TEK: variants seen among roughly 807,000 people sequenced by gnomAD.
The protein encoded by TEK is TEK receptor tyrosine kinase, also known as angiopoietin-1 receptor.
A neutral mutation model predicts 131.8 loss-of-function variants in TEK; 43 were observed. That is an observed-to-expected ratio of 0.33 (90% confidence interval 0.26 to 0.42). TEK has a LOEUF of 0.42. TEK is among the 10% of genes least tolerant of loss of function. The probability of loss-of-function intolerance (pLI) is 1.00; values close to 1 mark genes in which losing one functional copy is unlikely to be tolerated. For synonymous variants in TEK, 580 were observed against 491.6 expected, an observed-to-expected ratio of 1.18 and a Z score of -2.38; for missense variants, 1,162 against 1,384.4, an observed-to-expected ratio of 0.84 and a Z score of 2.55.
At chr9:27,148,601 C>A (rs1448727958) in intron 1 of TEK, among the ~76,000 whole-genome samples, 3 of 152,208 alleles carry the variant, frequency 2.0e-5, no homozygotes, top group Non-Finnish European at 2.9e-5. Context: ...TCTGCTTATG[C>A]CACATTGGCT....
At chr9:27,136,960 G>C (rs970592363) in intron 1 of TEK, among the ~76,000 whole-genome samples, 93 of 152,110 alleles carry the variant, frequency 6.1e-4, no homozygotes, top group African/African-American at 2.2e-3. Flanking sequence ...TCTGTCACCA[G>C]GCTGGAGTGC....
intron 2 of TEK, among the ~76,000 whole-genome samples, chr9:27,159,760 C>T (rs1823475326): frequency 6.6e-6 from 1 of 152,116 alleles, no homozygotes; most frequent in Non-Finnish European, 1.5e-5. Flanking sequence ...AGGTTCCAGT[C>T]CTGGACAGGC....
At chr9:27,138,873 G>A (rs1434654163) in intron 1 of TEK, among the ~76,000 whole-genome samples, 1 of 152,102 alleles carries the variant, frequency 6.6e-6, no homozygotes, top group East Asian at 1.9e-4. Context: ...GTGTACCAAG[G>A]AACAGCTATG....
rs1825705831 is a variant in TEK at position 27,213,438 on chromosome 9, G to C, written c.2878-46G>C. 3.5e-6 allele frequency: 5 copies of C among 1,431,868 alleles called. No individual in the cohort carries two copies. In the African/African-American group the frequency reaches 5.6e-5, roughly 16 times the overall value. 88.7% of individuals were successfully genotyped at this position (1,431,868 alleles called of 1,614,324 possible). Reference sequence around the variant, plus strand: ...CTGTTCCCCAAAGTTTTCAGCCCTGGGGCTTTCATTAGGCTGAAAATACAT... The same window carrying C: ...CTGTTCCCCAAAGTTTTCAGCCCTGCGGCTTTCATTAGGCTGAAAATACAT... On this transcript the variant is annotated intron_variant, in intron 17 of 22. Coordinates refer to ENST00000380036, the MANE Select transcript of TEK (RefSeq NM_000459.5).
chr9:27,204,811 T>C, intron 13 of TEK, 100 bp from the exon 14 acceptor site: 1 of 1,527,300 alleles, frequency 6.5e-7, no homozygotes, highest in Non-Finnish European at 9.0e-7. Context: ...TTAAGGCTGC[T>C]GTTAAGTTCC....
intron 1 of TEK, among the ~76,000 whole-genome samples, chr9:27,111,412 C>T (rs544771648): frequency 1.3e-5 from 2 of 152,124 alleles, no homozygotes; most frequent in African/African-American, 4.8e-5. Context: ...CCATAGGAGC[C>T]CGTTCCTCTA....
chr9:27,206,210 C>G (rs1052172814), intron 14 of TEK, among the ~76,000 whole-genome samples: 2 of 152,214 alleles, frequency 1.3e-5, no homozygotes, highest in Non-Finnish European at 2.9e-5. Flanking sequence ...CCCACATAGG[C>G]TCTCCAAGTT....
intron 2 of TEK, 128 bp from the exon 3 acceptor site, chr9:27,168,367 T>A (rs1823817996): frequency 1.4e-6 from 1 of 730,100 alleles, no homozygotes; most frequent in African/African-American, 1.7e-5. Context: ...CACCACTGTT[T>A]TTCACCTTCC....
chr9:27,186,591 T>C (rs1824607453), intron 9 of TEK, among the ~76,000 whole-genome samples: 1 of 152,190 alleles, frequency 6.6e-6, no homozygotes, highest in Non-Finnish European at 1.5e-5. Context: ...CTTTATACAG[T>C]AGCACACATT....
Position 27,229,487 on chromosome 9 carries a change from A to AT in TEK, c.*262dup, listed in dbSNP as rs1474022225. 2.0e-5 allele frequency: 10 copies of AT among 507,446 alleles called. No homozygotes were observed. Among genetic ancestry groups the AT allele is most frequent in the Admixed American group, 6.4e-5 (2 of 31,112 alleles). 31.4% of individuals were successfully genotyped at this position (507,446 alleles called of 1,614,324 possible). On this transcript the variant is annotated 3_prime_UTR_variant, in exon 23 of 23. Coordinates refer to ENST00000380036, the MANE Select transcript of TEK (RefSeq NM_000459.5). ...TTTGTGGTTTCATATGCAATAATAT[A>AT]TTTTTTTAAAAATGTGGACTTCATA...
chr9:27,179,717 G>C (rs746252980), intron 6 of TEK, among the ~76,000 whole-genome samples: 1 of 152,022 alleles, frequency 6.6e-6, no homozygotes, highest in Non-Finnish European at 1.5e-5. Flanking sequence ...ATGGATCAAG[G>C]ATCAGCCAAA....
At chr9:27,187,478 T>C (rs1824640971) in intron 9 of TEK, among the ~76,000 whole-genome samples, 1 of 152,144 alleles carries the variant, frequency 6.6e-6, no homozygotes, top group East Asian at 1.9e-4. Flanking sequence ...TGTATTATGT[T>C]CAAAAAAGAC....
intron 8 of TEK, among the ~76,000 whole-genome samples, chr9:27,183,951 A>G (rs1824496981): frequency 6.6e-6 from 1 of 152,200 alleles, no homozygotes; most frequent in South Asian, 2.1e-4. Context: ...CAGTGTCCCC[A>G]TATCTCTAAC....
chr9:27,222,591 G>C (rs936774754), intron 21 of TEK, among the ~76,000 whole-genome samples: 3 of 152,258 alleles, frequency 2.0e-5, no homozygotes, highest in Admixed American at 6.5e-5. Flanking sequence ...TTTCAACCCA[G>C]AATTTCGTAT....
intron 21 of TEK, among the ~76,000 whole-genome samples, chr9:27,221,310 A>C (rs1429943771): frequency 6.6e-6 from 1 of 152,190 alleles, no homozygotes; most frequent in East Asian, 1.9e-4. Context: ...CCATGGGACA[A>C]AGCACCTAGT....
chr9:27,161,103 G>A (rs762393600), intron 2 of TEK, among the ~76,000 whole-genome samples: 3 of 152,176 alleles, frequency 2.0e-5, no homozygotes, highest in African/African-American at 7.2e-5. Flanking sequence ...AAGCAAACTG[G>A]ACCAGAACAT....
At chr9:27,152,979 C>T (rs586284) in intron 1 of TEK, among the ~76,000 whole-genome samples, 40,875 of 152,004 alleles carry the variant, frequency 0.27, 5,832 homozygotes, top group South Asian at 0.52. Context: ...AGTGAGAAGA[C>T]GCTACTAAGA....
intron 21 of TEK, among the ~76,000 whole-genome samples, chr9:27,221,234 G>C (rs989920233): frequency 2.6e-5 from 4 of 152,186 alleles, no homozygotes; most frequent in Non-Finnish European, 5.9e-5. Context: ...CTTTCTATCT[G>C]GGCAGGGCAT....
At chr9:27,211,191 A>G (rs201939074) in intron 16 of TEK, among the ~76,000 whole-genome samples, 2 of 143,328 alleles carry the variant, frequency 1.4e-5, no homozygotes, top group Non-Finnish European at 3.0e-5. Context: ...ATATGAATAT[A>G]TGTATATATA....
Sources: allele counts gnomAD v4.1 joint callset (sites outside exome capture counted in the v4.1 genomes callset), GRCh38; gene constraint gnomAD v4.1.1; transcripts MANE v1.5; gene names NCBI Gene and HGNC (gene_info 2026-07-23, HGNC 2026-07-21).